KCNK1: variants seen among roughly 807,000 people sequenced by gnomAD.
The protein encoded by KCNK1 is potassium channel subfamily K member 1.
In KCNK1, 10 loss-of-function variants were observed where a neutral mutation model predicts 22.2. The ratio of observed to expected loss-of-function variants is 0.45; its 90% CI spans 0.28 to 0.76. KCNK1 has a LOEUF of 0.76. Ranked by LOEUF, KCNK1 falls within the 30% of genes least tolerant of loss-of-function variation. The probability of loss-of-function intolerance (pLI) is 0.14; values close to 1 mark genes in which losing one functional copy is unlikely to be tolerated. For missense variants in KCNK1, 378 were observed against 421.0 expected (o/e 0.90, Z 0.89); for synonymous variants, 200 against 186.4 (o/e 1.07, Z -0.60).
rs747330964 is a variant in KCNK1 at position 233,614,138 on chromosome 1, T to C, written c.-34T>C. On this transcript the variant is annotated 5_prime_UTR_variant, in exon 1 of 3. Transcript: ENST00000366621. ...GCGGCGGGCCGCGCTCCGGCCGGTC[T>C]GCGGCGTTGGCCTTGGCGGCGGCGG... is the stretch of plus-strand genomic sequence containing the variant. The C allele has an allele frequency of 4.8e-6, 6 of 1,258,202 alleles. No individual in the cohort carries two copies. In the East Asian group the frequency reaches 1.8e-4, roughly 38 times the overall value. 77.9% of individuals were successfully genotyped at this position (1,258,202 alleles called of 1,614,324 possible). A position where few individuals can be genotyped will look rare whatever the true frequency, so the allele number is the denominator to read the frequency against.
intron 1 of KCNK1, among the ~76,000 whole-genome samples, chr1:233,643,166 A>T (rs1658033055): frequency 6.6e-6 from 1 of 151,946 alleles, no homozygotes; most frequent in Non-Finnish European, 1.5e-5. Context: ...GTTTGAGGGG[A>T]GCTTGCTAGT....
At chr1:233,667,537 T>C (rs563470663) in intron 2 of KCNK1, among the ~76,000 whole-genome samples, 10 of 152,036 alleles carry the variant, frequency 6.6e-5, no homozygotes, top group African/African-American at 2.2e-4. Flanking sequence ...GAGACCATCC[T>C]GGCTAACACG....
At chr1:233,665,757 G>C (rs1459001799) in intron 1 of KCNK1, among the ~76,000 whole-genome samples, 1 of 152,238 alleles carries the variant, frequency 6.6e-6, no homozygotes, top group Non-Finnish European at 1.5e-5. Context: ...TGAGATGGCC[G>C]TTTTGAGCTA....
rs191824404 is a variant in KCNK1 at position 233,617,114 on chromosome 1, A to G, written c.355+2588A>G. 2.3e-3 allele frequency among the ~76,000 whole-genome samples: 356 copies of G among 152,002 alleles called. 1 individual carries two copies. The highest frequency in any genetic ancestry group is 8.3e-3 in the African/African-American group (344 of 41,410). ...CAAATCACTGAGATAATTGTTACCTAATTAATCAGTACAGTCAATCCTTGA... is the reference window on the plus strand; with the variant it reads ...CAAATCACTGAGATAATTGTTACCTGATTAATCAGTACAGTCAATCCTTGA... On this transcript the variant is annotated intron_variant, in intron 1 of 2. Coordinates refer to ENST00000366621, the MANE Select transcript of KCNK1 (RefSeq NM_002245.4).
intron 1 of KCNK1, among the ~76,000 whole-genome samples, chr1:233,619,915 C>T (rs897836372): frequency 2.9e-3 from 4 of 1,402 alleles, no homozygotes; most frequent in Non-Finnish European, 5.0e-3. Flanking sequence ...TCCGTCTAAG[C>T]GAGGGGGGCG....
At chr1:233,646,762 G>GT (rs35386748) in intron 1 of KCNK1, among the ~76,000 whole-genome samples, 1 of 152,152 alleles carries the variant, frequency 6.6e-6, no homozygotes, top group Non-Finnish European at 1.5e-5. Context: ...GGAAGAAAGT[G>GT]TTTCAGGCAG....
At chr1:233,614,555 C>T (rs1418735734) in intron 1 of KCNK1, 29 bp downstream of exon 1, 6 of 1,501,686 alleles carry the variant, frequency 4.0e-6, no homozygotes, top group South Asian at 1.3e-5. Flanking sequence ...CCCCTGGCCG[C>T]CCCGGCCACC....
At chr1:233,653,809 A>G (rs1417641090) in intron 1 of KCNK1, among the ~76,000 whole-genome samples, 1 of 152,052 alleles carries the variant, frequency 6.6e-6, no homozygotes, top group Non-Finnish European at 1.5e-5. Flanking sequence ...TTCCCATAAT[A>G]AATCTCTTCT....
At chr1:233,637,999 G>GAAA (rs34708464) in intron 1 of KCNK1, among the ~76,000 whole-genome samples, 2 of 146,928 alleles carry the variant, frequency 1.4e-5, no homozygotes, top group Non-Finnish European at 3.0e-5. Context: ...GTGGAAAAAT[G>GAAA]AAAAAAAAAA....
intron 1 of KCNK1, among the ~76,000 whole-genome samples, chr1:233,647,552 T>A (rs953531112): frequency 6.6e-6 from 1 of 152,176 alleles, no homozygotes; most frequent in Non-Finnish European, 1.5e-5. Flanking sequence ...GCTCATCGTC[T>A]GTTCAGTCCT....
chr1:233,643,469 A>T (rs544608291), intron 1 of KCNK1, among the ~76,000 whole-genome samples: 1 of 152,262 alleles, frequency 6.6e-6, no homozygotes, highest in African/African-American at 2.4e-5. Context: ...TTCTATTGTG[A>T]GTGCAGCACT....
At chr1:233,644,687 G>A (rs2102897481) in intron 1 of KCNK1, among the ~76,000 whole-genome samples, 1 of 151,962 alleles carries the variant, frequency 6.6e-6, no homozygotes, top group East Asian at 1.9e-4. Flanking sequence ...GGAACAGTGA[G>A]TGCAAAGGCC....
At chr1:233,632,205 C>T (rs1230264225) in intron 1 of KCNK1, among the ~76,000 whole-genome samples, 3 of 152,210 alleles carry the variant, frequency 2.0e-5, no homozygotes, top group Admixed American at 1.3e-4. Context: ...TTTATTCCCA[C>T]AGGCTGCTGC....
chr1:233,638,681 G>A (rs1657953760), intron 1 of KCNK1, among the ~76,000 whole-genome samples: 1 of 152,210 alleles, frequency 6.6e-6, no homozygotes, highest in South Asian at 2.1e-4. Flanking sequence ...TTGCACAGGT[G>A]CAGGGCTGTG....
chr1:233,640,974 G>C (rs984827987), intron 1 of KCNK1, among the ~76,000 whole-genome samples: 1 of 152,150 alleles, frequency 6.6e-6, no homozygotes, highest in Non-Finnish European at 1.5e-5. Context: ...CAGAGTGCTG[G>C]GATTATAGGT....
intron 1 of KCNK1, among the ~76,000 whole-genome samples, chr1:233,658,017 T>C (rs1035865457): frequency 6.6e-6 from 1 of 152,202 alleles, no homozygotes; most frequent in African/African-American, 2.4e-5. Context: ...GAGATGATCT[T>C]CATTTGTGAG....
chr1:233,657,656 A>G (rs1004954187), intron 1 of KCNK1, among the ~76,000 whole-genome samples: 12 of 151,862 alleles, frequency 7.9e-5, no homozygotes, highest in Admixed American at 3.3e-4. Flanking sequence ...AAGAAAAAGG[A>G]AAGACGAAAG....
At chr1:233,665,756 C>T (rs558427063) in intron 1 of KCNK1, among the ~76,000 whole-genome samples, 4 of 152,300 alleles carry the variant, frequency 2.6e-5, no homozygotes, top group Admixed American at 1.3e-4. Context: ...TTGAGATGGC[C>T]GTTTTGAGCT....
At chr1:233,661,628 C>T (rs1374435150) in intron 1 of KCNK1, among the ~76,000 whole-genome samples, 3 of 152,144 alleles carry the variant, frequency 2.0e-5, no homozygotes, top group Non-Finnish European at 4.4e-5. Flanking sequence ...TCTCTTCAGT[C>T]TATTTAGAGC....
Sources: allele counts gnomAD v4.1 joint callset (sites outside exome capture counted in the v4.1 genomes callset), GRCh38; gene constraint gnomAD v4.1.1; transcripts MANE v1.5; gene names NCBI Gene and HGNC (gene_info 2026-07-23, HGNC 2026-07-21).